NAV3: variants seen among roughly 807,000 people sequenced by gnomAD.
The protein encoded by NAV3 is pore membrane and/or filament interacting like protein 1.
In NAV3, 87 loss-of-function variants were observed where a neutral mutation model predicts 244.7. The ratio of observed to expected loss-of-function variants is 0.36; its 90% CI spans 0.30 to 0.42. The LOEUF (loss-of-function observed/expected upper bound fraction) is 0.42, where lower values mean the gene tolerates loss of function less well. Among genes scored for constraint, NAV3 ranks in the 20% least tolerant of loss-of-function variants. The pLI is 1.00. For synonymous variants in NAV3, 1,126 were observed against 1,042.2 expected, an observed-to-expected ratio of 1.08 and a Z score of -1.55; for missense variants, 2,663 against 2,893.3, an observed-to-expected ratio of 0.92 and a Z score of 1.83.
chr12:77,633,995 C>T (rs528856346), intron 2 of NAV3, among the ~76,000 whole-genome samples: 2 of 152,120 alleles, frequency 1.3e-5, no homozygotes, highest in East Asian at 3.9e-4. Context: ...TGAATCCTAC[C>T]TTCTCTCATT....
At chr12:77,645,327 C>A (rs1451082647) in intron 2 of NAV3, among the ~76,000 whole-genome samples, 1 of 150,374 alleles carries the variant, frequency 6.7e-6, no homozygotes, top group African/African-American at 2.5e-5. Context: ...TGTGGTAGGT[C>A]CAAATAACTT....
chr12:77,685,515 A>T (rs909503161), intron 2 of NAV3, among the ~76,000 whole-genome samples: 2 of 151,864 alleles, frequency 1.3e-5, no homozygotes, highest in Non-Finnish European at 2.9e-5. Flanking sequence ...ACATACCCAC[A>T]CGCACACCAT....
At chr12:78,189,066 T>G (rs116091245) in intron 33 of NAV3, among the ~76,000 whole-genome samples, 2,165 of 151,998 alleles carry the variant, frequency 0.014, 59 homozygotes, top group African/African-American at 0.05. Context: ...TTTTCTTCAT[T>G]ATCATCCTTC....
chr12:77,737,131 T>C (rs1392283800), intron 2 of NAV3, among the ~76,000 whole-genome samples: 1 of 145,300 alleles, frequency 6.9e-6, no homozygotes, highest in Non-Finnish European at 1.5e-5. Flanking sequence ...GGGGAAACAT[T>C]TAAAAAAAAA....
intron 2 of NAV3, among the ~76,000 whole-genome samples, chr12:77,574,531 A>G (rs1246746575): frequency 1.3e-5 from 2 of 152,182 alleles, no homozygotes; most frequent in African/African-American, 4.8e-5. Flanking sequence ...TTCATGATGA[A>G]TTAATTTAGC....
In NAV3 at chr12:78,199,358, C is replaced by T. The variant is rs772303006; in HGVS notation, c.6542C>T (p.Thr2181Ile). The change falls in exon 37 of 40, where the codon ACA (threonine) becomes ATA (isoleucine). Residue 2181 changes from threonine (T) to isoleucine (I), a missense_variant. This residue lies in a region of NAV3 where 543 missense variants were observed against 672.4 expected (regional missense o/e 0.81). Transcript: ENST00000397909. The part of the protein sequence containing the change: ...NFRWVLCANH[T>I]EPVKGFLGRY... ...AGGTGGGTATTATGTGCAAATCATA[C>T]AGAACCAGTGAAAGGCTTTTTAGGC... is the stretch of plus-strand genomic sequence containing the variant. 3.1e-5 allele frequency: 50 copies of T among 1,606,622 alleles called. 1 individual carries two copies. The highest frequency in any genetic ancestry group is 3.3e-5 in the Non-Finnish European group (39 of 1,177,298).
At chr12:78,048,390 C>G (rs780995800) in intron 9 of NAV3, among the ~76,000 whole-genome samples, 1 of 152,044 alleles carries the variant, frequency 6.6e-6, no homozygotes, top group East Asian at 1.9e-4. Context: ...GACCTTCAAA[C>G]GGGGTTTTTG....
chr12:77,697,009 CAGCTGGATGCTTCACCTTATTATAG>C (rs1875336614), intron 2 of NAV3, among the ~76,000 whole-genome samples: 1 of 152,148 alleles, frequency 6.6e-6, no homozygotes, highest in African/African-American at 2.4e-5. Flanking sequence ...TTCCTTCTGG[CAGCTGGATGCTTCACCTTATTATAG>C]AGCTGTGTTT....
intron 2 of NAV3, among the ~76,000 whole-genome samples, chr12:77,632,635 C>A (rs954818056): frequency 3.9e-5 from 6 of 152,092 alleles, no homozygotes; most frequent in Admixed American, 3.9e-4. Context: ...GGGACACAGC[C>A]AAACCATATC....
intron 2 of NAV3, among the ~76,000 whole-genome samples, chr12:77,762,538 G>A (rs1266490963): frequency 6.6e-6 from 1 of 152,108 alleles, no homozygotes; most frequent in Non-Finnish European, 1.5e-5. Flanking sequence ...GGGAGGCGGA[G>A]GTTGTAGTGA....
At chr12:77,585,687 A>C (rs1240242071) in intron 2 of NAV3, among the ~76,000 whole-genome samples, 1 of 152,130 alleles carries the variant, frequency 6.6e-6, no homozygotes, top group Non-Finnish European at 1.5e-5. Context: ...CTGATCCTAC[A>C]GGAGGTGATC....
chr12:78,143,269 G>A, intron 20 of NAV3: 3 of 408,922 alleles, frequency 7.3e-6, no homozygotes, highest in Non-Finnish European at 1.4e-5. Flanking sequence ...CAAAGTGGTT[G>A]GAAATCACAA....
intron 2 of NAV3, among the ~76,000 whole-genome samples, chr12:77,627,383 T>G: frequency 6.6e-6 from 1 of 152,074 alleles, no homozygotes; most frequent in East Asian, 1.9e-4. Flanking sequence ...CTAGCTAGAC[T>G]AACCATGACA....
Position 77,767,092 on chromosome 12 carries a change from C to T in NAV3, c.73-173227C>T, listed in dbSNP as rs540584957. Among the ~76,000 whole-genome samples the T allele has an allele frequency of 1.6e-4, 24 of 152,096 alleles. No homozygotes were observed. The East Asian group carries it at 2.1e-3, about 13-fold the overall frequency. ...AGGGAAAAATGACTATTAAGAAGCG[C>T]GATGGAAAGTCAGAGAGTCAGAGAG... On this transcript the variant is annotated intron_variant, in intron 2 of 8. Coordinates refer to the NAV3 transcript ENST00000550042.
intron 2 of NAV3, among the ~76,000 whole-genome samples, chr12:77,581,438 G>C (rs1253653490): frequency 6.6e-6 from 1 of 152,092 alleles, no homozygotes; most frequent in African/African-American, 2.4e-5. Flanking sequence ...ATATTACACT[G>C]AATAGTGTAG....
At chr12:77,953,929 A>G (rs1437634467) in intron 3 of NAV3, among the ~76,000 whole-genome samples, 1 of 152,138 alleles carries the variant, frequency 6.6e-6, no homozygotes, top group Non-Finnish European at 1.5e-5. Flanking sequence ...TAGAAATTTA[A>G]CTTCTCACAG....
rs140592600 is a variant in NAV3, at chr12:77,967,667, C to T, written c.488-852C>T. On this transcript the variant is annotated intron_variant, in intron 4 of 39. Transcript: ENST00000397909. ...GCTTATTTTCAAGCTTTACATCCTT[C>T]TCTTTTCCTATTTTTTTAAGTTATA... is the stretch of plus-strand genomic sequence containing the variant. Among the ~76,000 whole-genome samples the T allele has an allele frequency of 3.3e-3, 505 of 152,144 alleles. 2 individuals are homozygous for T. The highest frequency in any genetic ancestry group is 5.8e-3 in the Non-Finnish European group (396 of 67,942).
intron 2 of NAV3, among the ~76,000 whole-genome samples, chr12:77,663,044 A>G (rs1873537122): frequency 6.6e-6 from 1 of 152,208 alleles, no homozygotes; most frequent in African/African-American, 2.4e-5. Context: ...TAATACATCT[A>G]TTTAATTTTC....
chr12:77,693,798 G>A (rs924785374), intron 2 of NAV3, among the ~76,000 whole-genome samples: 5 of 152,020 alleles, frequency 3.3e-5, no homozygotes, highest in East Asian at 3.9e-4. Context: ...TCAAGTCATC[G>A]TGCTGCATAA....
Sources: gnomAD v4.1 joint callset for allele counts (sites outside exome capture counted in the v4.1 genomes callset) on GRCh38, gnomAD v4.1.1 for gene constraint, gnomAD v4.1.1 regional missense constraint, MANE v1.5 for transcripts, NCBI Gene and HGNC (gene_info 2026-07-23, HGNC 2026-07-21) for gene names.